Variants in SCFD2 observed in about 807,000 individuals in gnomAD.
The protein encoded by SCFD2 is sec1 family domain containing 2.
In SCFD2, 54 loss-of-function variants were observed where a neutral mutation model predicts 58.9. That is an observed-to-expected ratio of 0.92 (90% CI 0.74 to 1.15). The LOEUF (loss-of-function observed/expected upper bound fraction) is 1.15, where lower values mean the gene tolerates loss of function less well. SCFD2 is among the 50% of genes most tolerant of loss of function. The probability of loss-of-function intolerance (pLI) is 0.00; values close to 1 mark genes in which losing one functional copy is unlikely to be tolerated. For synonymous variants in SCFD2, 321 were observed against 335.9 expected (o/e 0.96, Z 0.49); for missense variants, 805 against 836.6 (o/e 0.96, Z 0.47).
chr4:53,177,715 C>A (rs1727386293), intron 4 of SCFD2, among the ~76,000 whole-genome samples: 1 of 152,150 alleles, frequency 6.6e-6, no homozygotes, highest in African/African-American at 2.4e-5. Context: ...ATCGCCTCAT[C>A]CGGGAAGCGA....
intron 5 of SCFD2, among the ~76,000 whole-genome samples, chr4:53,018,313 G>T (rs919761523): frequency 2.0e-5 from 3 of 152,140 alleles, no homozygotes; most frequent in African/African-American, 7.2e-5. Context: ...ATTATTCACA[G>T]ATTACTAAAA....
chr4:53,070,710 G>A (rs1723790549), intron 5 of SCFD2, among the ~76,000 whole-genome samples: 2 of 152,082 alleles, frequency 1.3e-5, no homozygotes, highest in East Asian at 1.9e-4. Flanking sequence ...ACAGGTAGAA[G>A]ATGATCTAGA....
intron 1 of SCFD2, among the ~76,000 whole-genome samples, chr4:53,355,052 C>G (rs539607627): frequency 1.5e-4 from 23 of 152,244 alleles, no homozygotes; most frequent in African/African-American, 5.1e-4. Flanking sequence ...TCTGTATGAT[C>G]CTGTGGATTT....
chr4:52,904,364 A>T (rs112114404), intron 7 of SCFD2, among the ~76,000 whole-genome samples: 424 of 152,262 alleles, frequency 2.8e-3, no homozygotes, highest in African/African-American at 9.8e-3. Context: ...CTTCAGTGAG[A>T]AGTGGAGGAG....
intron 5 of SCFD2, among the ~76,000 whole-genome samples, chr4:53,055,835 A>T (rs1433825781): frequency 6.6e-6 from 1 of 151,942 alleles, no homozygotes; most frequent in Non-Finnish European, 1.5e-5. Context: ...TGGGTATTGG[A>T]GTGTGTGCCC....
chr4:52,885,366 A>G (rs1420400463), intron 8 of SCFD2, among the ~76,000 whole-genome samples: 1 of 152,198 alleles, frequency 6.6e-6, no homozygotes, highest in Non-Finnish European at 1.5e-5. Flanking sequence ...CCAGAAGCCC[A>G]GAGCTAGAAA....
intron 2 of SCFD2, among the ~76,000 whole-genome samples, chr4:53,334,675 G>A (rs561462905): frequency 7.9e-5 from 12 of 151,538 alleles, no homozygotes; most frequent in South Asian, 6.3e-4. Context: ...TGGGTGCAGC[G>A]CACCAGCATG....
At chr4:52,943,004 C>T (rs1345559044) in intron 5 of SCFD2, among the ~76,000 whole-genome samples, 1 of 150,666 alleles carries the variant, frequency 6.6e-6, no homozygotes, top group African/African-American at 2.4e-5. Flanking sequence ...TTTGACTTTA[C>T]CTTGATACTA....
intron 4 of SCFD2, among the ~76,000 whole-genome samples, chr4:53,226,161 T>A (rs1467590233): frequency 6.6e-6 from 1 of 152,162 alleles, no homozygotes; most frequent in East Asian, 1.9e-4. Flanking sequence ...TCATCAATTG[T>A]TCTTAGCCAC....
intron 5 of SCFD2, among the ~76,000 whole-genome samples, chr4:53,072,586 A>G (rs1411244867): frequency 6.6e-6 from 1 of 152,084 alleles, no homozygotes; most frequent in Non-Finnish European, 1.5e-5. Context: ...GGGGGGGGAA[A>G]GCCAGGTTTT....
At chr4:53,096,676 T>C (rs1336487947) in intron 5 of SCFD2, among the ~76,000 whole-genome samples, 3 of 152,168 alleles carry the variant, frequency 2.0e-5, no homozygotes, top group African/African-American at 7.2e-5. Flanking sequence ...CCTGTTCACT[T>C]TGATGATAGC....
chr4:53,230,071 GATACC>G (rs1729379936), intron 4 of SCFD2, among the ~76,000 whole-genome samples: 1 of 152,152 alleles, frequency 6.6e-6, no homozygotes, highest in Non-Finnish European at 1.5e-5. Context: ...ACCACAATGA[GATACC>G]ATCTCACACC....
chr4:52,974,779 G>A (rs1281694265), intron 5 of SCFD2, among the ~76,000 whole-genome samples: 1 of 151,962 alleles, frequency 6.6e-6, no homozygotes. Context: ...ATACTACAAG[G>A]CTACAGTAAC....
chr4:53,190,841 T>C (rs1329713051), intron 4 of SCFD2, among the ~76,000 whole-genome samples: 2 of 146,882 alleles, frequency 1.4e-5, no homozygotes, highest in Non-Finnish European at 2.9e-5. Context: ...CTACAGAAGG[T>C]TATGTCTGTG....
Position 52,880,117 on chromosome 4 carries a change from C to T in SCFD2, c.1962+5630G>A, listed in dbSNP as rs1241923549. ...GAAACATCTGACCTGACTACCGCTGCCTCAGAGCCACTGTGCTGTGCTTAT... is the reference window on the plus strand; with the variant it reads ...GAAACATCTGACCTGACTACCGCTGTCTCAGAGCCACTGTGCTGTGCTTAT... On this transcript the variant is annotated intron_variant, in intron 8 of 8. Transcript: ENST00000401642. Among the ~76,000 whole-genome samples, 3 of 152,206 alleles carry T rather than the reference C, an allele frequency of 2.0e-5. No individual in the cohort carries two copies. In the East Asian group the frequency reaches 5.8e-4, roughly 29 times the overall value.
intron 5 of SCFD2, among the ~76,000 whole-genome samples, chr4:52,931,218 C>CT (rs1183952533): frequency 6.6e-6 from 1 of 152,190 alleles, no homozygotes; most frequent in African/African-American, 2.4e-5. Flanking sequence ...AATAAGTCCC[C>CT]TTTCAAAGTG....
intron 5 of SCFD2, among the ~76,000 whole-genome samples, chr4:53,131,055 A>G (rs1725773261): frequency 6.6e-6 from 1 of 152,220 alleles, no homozygotes; most frequent in Non-Finnish European, 1.5e-5. Context: ...AACTGTAATG[A>G]TCCAAGTGCT....
At chr4:52,894,609 G>T (rs1021076193) in intron 7 of SCFD2, among the ~76,000 whole-genome samples, 2 of 152,182 alleles carry the variant, frequency 1.3e-5, no homozygotes, top group Non-Finnish European at 2.9e-5. Flanking sequence ...TAGAGAAAAG[G>T]CTGTTTGAAG....
chr4:53,229,577 A>G (rs946471061), intron 4 of SCFD2, among the ~76,000 whole-genome samples: 49 of 152,314 alleles, frequency 3.2e-4, no homozygotes, highest in Non-Finnish European at 5.3e-4. Context: ...TATCTAGAGA[A>G]CTGAAACTGG....
Sources: allele counts gnomAD v4.1 joint callset (sites outside exome capture counted in the v4.1 genomes callset), GRCh38; gene constraint gnomAD v4.1.1; transcripts MANE v1.5; gene names NCBI Gene and HGNC (gene_info 2026-07-23, HGNC 2026-07-21).